Variants in OPRK1 observed in about 807,000 individuals in gnomAD.
OPRK1 encodes the protein kappa-type opioid receptor.
Under a neutral mutation model 24.5 loss-of-function variants are expected in OPRK1, and 15 were observed. The observed-to-expected ratio is 0.61, with a 90% CI of 0.41 to 0.94. The LOEUF is 0.94. OPRK1 is among the 40% of genes least tolerant of loss of function. OPRK1 has a pLI of 0.00. For synonymous variants in OPRK1, 205 were observed against 198.0 expected (o/e 1.04, Z -0.30); for missense variants, 479 against 507.3 (o/e 0.94, Z 0.54).
chr8:53,237,020 A>G (rs969935243), intron 2 of OPRK1, among the ~76,000 whole-genome samples: 1 of 152,162 alleles, frequency 6.6e-6, no homozygotes, highest in Non-Finnish European at 1.5e-5. Context: ...AGTTTCCCCA[A>G]CTATAAAATG....
In OPRK1 at chr8:53,226,902, G is replaced by A. The variant is rs1806706350; in HGVS notation, c.*2395C>T. On this transcript the variant is annotated 3_prime_UTR_variant, in exon 4 of 4. Transcript: ENST00000265572. ...GCTGCAGACTTACATATGAGGAGAT[G>A]CAGGAAAATCAGGCAAACCAATAAT... 1 of 152,220 alleles carries A rather than the reference G, an allele frequency of 6.6e-6. No homozygotes were observed. The highest frequency in any genetic ancestry group is 2.4e-5 in the African/African-American group (1 of 41,454). The allele number at this position is 152,220 out of a possible 1,614,324, so 9.4% of individuals were successfully genotyped here.
intron 2 of OPRK1, among the ~76,000 whole-genome samples, chr8:53,241,215 T>C (rs1807109443): frequency 6.6e-6 from 1 of 152,134 alleles, no homozygotes; most frequent in Non-Finnish European, 1.5e-5. Context: ...AAAATAAAAA[T>C]AAAATGAAGA....
rs550861280 is a variant in OPRK1, at chr8:53,237,090, G to C, written c.258-1979C>G. On this transcript the variant is annotated intron_variant, in intron 2 of 3. Coordinates refer to ENST00000265572, the MANE Select transcript of OPRK1 (RefSeq NM_000912.5). ...GTAATTAATGAATGCACCTGACCCA[G>C]ACAGCATGTCTAATCTATGTCATGT... Among the ~76,000 whole-genome samples the C allele has an allele frequency of 5.9e-5, 9 of 152,240 alleles. No individual in the cohort carries two copies. The East Asian group carries it at 1.7e-3, about 29-fold the overall frequency.
chr8:53,250,592 A>C (rs564967291), intron 2 of OPRK1, among the ~76,000 whole-genome samples, 189 bp downstream of exon 2: 27 of 151,888 alleles, frequency 1.8e-4, no homozygotes, highest in Non-Finnish European at 3.5e-4. Context: ...ACCTCTCAGC[A>C]CTCCACCAAA....
rs143457105 is a variant in OPRK1, at chr8:53,234,812, G to A, written c.557C>T (p.Ser186Leu). Reference protein sequence around the residue: ...KIINICIWLLSSSVGISAIVL... With the variant: ...KIINICIWLLLSSVGISAIVL... ...TATTGCAGAGATGCCAACAGATGAC[G>A]ACAGCAGCCAGATGCAGATATTGAT... Residue 186 changes from serine (S) to leucine (L), a missense_variant, in exon 3 of 4, where the codon TCG becomes TTG. Transcript: ENST00000265572. 133 of 1,614,062 alleles carry A rather than the reference G, an allele frequency of 8.2e-5. 1 individual carries two copies. The highest frequency in any genetic ancestry group is 1.9e-4 in the South Asian group (17 of 91,086).
chr8:53,235,054 A>T lies in OPRK1; in HGVS notation c.315T>A (p.Asp105Glu). ...NIYIFNLALA[D>E]ALVTTTMPFQ... ...AGGGCATGGTTGTAGTAACTAAAGC[A>T]TCTGCCAAAGCCAGGTTAAATATGT... Residue 105 changes from aspartate (D) to glutamate (E), a missense_variant, in exon 3 of 4, where the codon GAT becomes GAA. Asp to Glu is a conservative substitution (Grantham distance 45, BLOSUM62 2). Coordinates refer to ENST00000265572, the MANE Select transcript of OPRK1 (RefSeq NM_000912.5). 1 of 1,614,270 alleles carries T rather than the reference A, an allele frequency of 6.2e-7. No individual in the cohort carries two copies. The highest frequency in any genetic ancestry group is 8.5e-7 in the Non-Finnish European group (1 of 1,180,040).
intron 1 of OPRK1, 49 bp from the exon 2 acceptor site, chr8:53,251,134 G>A: frequency 7.1e-7 from 1 of 1,406,110 alleles, no homozygotes; most frequent in South Asian, 1.5e-5. Context: ...AACTTTGCCC[G>A]CGCCCTGGCC....
At chr8:53,236,527 T>C (rs535126262) in intron 2 of OPRK1, among the ~76,000 whole-genome samples, 1 of 152,298 alleles carries the variant, frequency 6.6e-6, no homozygotes, top group African/African-American at 2.4e-5. Flanking sequence ...AAGCGAGGAG[T>C]TTATTTAAAA....
chr8:53,240,838 C>A (rs543052507), intron 2 of OPRK1, among the ~76,000 whole-genome samples: 1 of 152,124 alleles, frequency 6.6e-6, no homozygotes, highest in Admixed American at 6.5e-5. Context: ...ACTGTACTCA[C>A]CCCTCCAATA....
In OPRK1 at chr8:53,227,639, A is replaced by G. The variant is rs1488991865; in HGVS notation, c.*1658T>C. 6.6e-6 allele frequency: 1 copy of G among 152,190 alleles called. No individual in the cohort carries two copies. The highest frequency in any genetic ancestry group is 1.5e-5 in the Non-Finnish European group (1 of 68,036). The allele number at this position is 152,190 out of a possible 1,614,324, so 9.4% of individuals were successfully genotyped here. On this transcript the variant is annotated 3_prime_UTR_variant, in exon 4 of 4. Transcript: ENST00000265572. Reference sequence around the variant, plus strand: ...TAGGAGAAATCACTTCCATTCTGCCATATGTCATCTGTGTTAGGTGCCATG... The same window carrying G: ...TAGGAGAAATCACTTCCATTCTGCCGTATGTCATCTGTGTTAGGTGCCATG...
In OPRK1 at chr8:53,225,897, C is replaced by T. The variant is rs200759504; in HGVS notation, c.*3400G>A. 6.6e-6 allele frequency: 1 copy of T among 152,374 alleles called. No homozygotes were observed. Among genetic ancestry groups the T allele is most frequent in the Non-Finnish European group, 1.5e-5 (1 of 68,004 alleles). The allele number at this position is 152,374 out of a possible 1,614,324, so 9.4% of individuals were successfully genotyped here. Reference sequence around the variant, plus strand: ...TTGCCTTAAGGAAGCTGGGTTATACCGTTTTTGGATGTGATTTTCGTATTT... The same window carrying T: ...TTGCCTTAAGGAAGCTGGGTTATACTGTTTTTGGATGTGATTTTCGTATTT... On this transcript the variant is annotated 3_prime_UTR_variant, in exon 4 of 4. Transcript: ENST00000265572.
Position 53,229,305 on chromosome 8 carries a change from G to T in OPRK1, c.1135C>A (p.Pro379Thr), listed in dbSNP as rs1470290023. 1.2e-6 allele frequency: 2 copies of T among 1,613,356 alleles called. No individual in the cohort carries two copies. Among genetic ancestry groups the T allele is most frequent in the East Asian group, 2.2e-5 (1 of 44,880 alleles). The change falls in exon 4 of 4, where the codon CCA becomes ACA. Residue 379 changes from proline to threonine, a missense_variant. Physicochemically the swap from Pro to Thr is conservative, Grantham distance 38. Transcript: ENST00000265572. The part of the protein sequence containing the change: ...YLRDIDGMNK[P>T]V ...GACATCTCCACGACTAGTCATACTG[G>T]TTTATTCATCCCATCGATGTCCCTC...
chr8:53,250,589 A>C (rs977305206), intron 2 of OPRK1, among the ~76,000 whole-genome samples, 192 bp downstream of exon 2: 1 of 151,990 alleles, frequency 6.6e-6, no homozygotes, highest in African/African-American at 2.4e-5. Flanking sequence ...TGAACCTCTC[A>C]GCACTCCACC....
rs569622753 is a variant in OPRK1 at position 53,244,093 on chromosome 8, G to C, written c.257+6688C>G. Among the ~76,000 whole-genome samples, 3 of 152,324 alleles carry C rather than the reference G, an allele frequency of 2.0e-5. No homozygotes were observed. In the South Asian group the frequency reaches 6.2e-4, roughly 32 times the overall value. On this transcript the variant is annotated intron_variant, in intron 2 of 3. Coordinates refer to ENST00000265572, the MANE Select transcript of OPRK1 (RefSeq NM_000912.5). ...AGGCAGGCATTGTGCCAGACCCTCTGTCACCCCATTCCGTCCCACATTTCT... is the reference window on the plus strand; with the variant it reads ...AGGCAGGCATTGTGCCAGACCCTCTCTCACCCCATTCCGTCCCACATTTCT...
rs1292657713 is a variant in OPRK1 at position 53,226,336 on chromosome 8, T to TG, written c.*2960dup. 2.0e-5 allele frequency: 3 copies of TG among 152,048 alleles called. No homozygotes were observed. The highest frequency in any genetic ancestry group is 4.4e-5 in the Non-Finnish European group (3 of 68,030). 9.4% of individuals were successfully genotyped at this position (152,048 alleles called of 1,614,324 possible). A position where few individuals can be genotyped will look rare whatever the true frequency, so the allele number is the denominator to read the frequency against. On this transcript the variant is annotated 3_prime_UTR_variant, in exon 4 of 4. Transcript: ENST00000265572. ...GTTTCCACTCTCCTCCCAGTTAGAG[T>TG]GGGGGGTTTCCTCCTCAGTGCTGCC... is the stretch of plus-strand genomic sequence containing the variant.
At chr8:53,236,110 G>A (rs1184922980) in intron 2 of OPRK1, among the ~76,000 whole-genome samples, 1 of 152,090 alleles carries the variant, frequency 6.6e-6, no homozygotes, top group Non-Finnish European at 1.5e-5. Context: ...CAATTCAAGC[G>A]TGCCCCATTT....
chr8:53,243,726 GA>G (rs1401583262), intron 2 of OPRK1, among the ~76,000 whole-genome samples: 2 of 152,192 alleles, frequency 1.3e-5, no homozygotes, highest in African/African-American at 4.8e-5. Flanking sequence ...ATAGTCTCTT[GA>G]AAATAATTTC....
At chr8:53,250,483 CAT>C (rs1807348801) in intron 2 of OPRK1, among the ~76,000 whole-genome samples, 1 of 152,152 alleles carries the variant, frequency 6.6e-6, no homozygotes, top group Non-Finnish European at 1.5e-5. Context: ...TTGCCCTGCG[CAT>C]AGAGTTTTCA....
rs924282443 is a variant in OPRK1 at position 53,228,352 on chromosome 8, A to G, written c.*945T>C. The G allele has an allele frequency of 1.3e-5, 2 of 152,212 alleles. No homozygotes were observed. Among genetic ancestry groups the G allele is most frequent in the African/African-American group, 4.8e-5 (2 of 41,464 alleles). The allele number at this position is 152,212 out of a possible 1,614,324, so 9.4% of individuals were successfully genotyped here. On this transcript the variant is annotated 3_prime_UTR_variant, in exon 4 of 4. Coordinates refer to ENST00000265572, the MANE Select transcript of OPRK1 (RefSeq NM_000912.5). ...CATGAGTTGTGAGCACTGTTACGGG[A>G]CTAAATGGTATTCAGGGAGTCTGAA...
Sources: gnomAD v4.1 joint callset for allele counts (sites outside exome capture counted in the v4.1 genomes callset) on GRCh38, gnomAD v4.1.1 for gene constraint, MANE v1.5 for transcripts, NCBI Gene and HGNC (gene_info 2026-07-23, HGNC 2026-07-21) for gene names.